SPATA17: variants seen among roughly 807,000 people sequenced by gnomAD.
SPATA17 encodes spermatogenesis associated 17, also known as spermatogenesis-associated protein 17.
A neutral mutation model predicts 62.2 loss-of-function variants in SPATA17; 53 were observed. The observed-to-expected ratio is 0.85, with a 90% CI of 0.68 to 1.07. SPATA17 has a LOEUF of 1.07. Ranked by LOEUF, SPATA17 falls within the 50% of genes least tolerant of loss-of-function variation. SPATA17 has a pLI of 0.00. For synonymous variants in SPATA17, 146 were observed against 146.8 expected (o/e 0.99, Z 0.04); for missense variants, 466 against 425.5 (o/e 1.10, Z -0.84).
intron 9 of SPATA17, among the ~76,000 whole-genome samples, chr1:217,823,896 T>G (rs1280666937): frequency 6.6e-6 from 1 of 152,068 alleles, no homozygotes; most frequent in Non-Finnish European, 1.5e-5. Context: ...GTTTTACTAT[T>G]TTATCTGATA....
chr1:217,857,135 T>C (rs902992148), intron 9 of SPATA17, among the ~76,000 whole-genome samples: 1 of 152,134 alleles, frequency 6.6e-6, no homozygotes, highest in Admixed American at 6.6e-5. Flanking sequence ...CTCTCTAATC[T>C]CAAAAGTTTT....
intron 6 of SPATA17, among the ~76,000 whole-genome samples, chr1:217,770,978 A>ATTTTTTTTTTTTTGTTTTTTTTTT (rs1673425620): frequency 2.0e-5 from 1 of 50,148 alleles, no homozygotes; most frequent in Non-Finnish European, 3.3e-5. Context: ...AACTCATTGC[A>ATTTTTTTTTTTTTGTTTTTTTTTT]TTTTTTTTTT....
intron 9 of SPATA17, among the ~76,000 whole-genome samples, chr1:217,813,848 A>T (rs1273653489): frequency 3.3e-5 from 5 of 152,044 alleles, no homozygotes; most frequent in African/African-American, 1.2e-4. Context: ...ACTCTAGTCT[A>T]CTATGCATTT....
chr1:217,845,442 G>C (rs1675501966), intron 9 of SPATA17, among the ~76,000 whole-genome samples: 1 of 152,026 alleles, frequency 6.6e-6, no homozygotes, highest in African/African-American at 2.4e-5. Context: ...ATAATTGATG[G>C]AAGAGATGGG....
chr1:217,657,765 A>T (rs1401002972), intron 3 of SPATA17, among the ~76,000 whole-genome samples: 1 of 152,186 alleles, frequency 6.6e-6, no homozygotes, highest in Non-Finnish European at 1.5e-5. Flanking sequence ...TGTAAAAGAG[A>T]TATGATATAG....
Position 217,774,431 on chromosome 1 carries a change from T to A in SPATA17, c.617T>A (p.Val206Asp). The A allele has an allele frequency of 6.2e-7, 1 of 1,614,128 alleles. No individual in the cohort carries two copies. Among genetic ancestry groups the A allele is most frequent in the Non-Finnish European group, 8.5e-7 (1 of 1,180,002 alleles). The change falls in exon 7 of 11, where the codon GTT (valine) becomes GAT (aspartate). Residue 206 changes from valine (V) to aspartate (D), a missense_variant. Val to Asp is a radical substitution (Grantham distance 152). Transcript: ENST00000366933. ...CCTTTAACACACCGAAGACCTAAAG[T>A]TAAGCAGAAGGACTCCACCAGCCTT... The part of the protein sequence containing the change: ...AKPLTHRRPK[V>D]KQKDSTSLTD...
chr1:217,720,939 G>A (rs1433305083), intron 5 of SPATA17, among the ~76,000 whole-genome samples: 1 of 152,154 alleles, frequency 6.6e-6, no homozygotes, highest in Non-Finnish European at 1.5e-5. Context: ...GATAGTCACT[G>A]AATCTGTGTA....
intron 5 of SPATA17, among the ~76,000 whole-genome samples, chr1:217,714,505 G>A (rs1333242049): frequency 1.2e-5 from 1 of 83,404 alleles, no homozygotes; most frequent in African/African-American, 5.8e-5. Flanking sequence ...TTTTTTTTGA[G>A]ACAGAGTCTT....
intron 6 of SPATA17, among the ~76,000 whole-genome samples, chr1:217,745,054 C>T (rs971361221): frequency 1.3e-5 from 2 of 152,040 alleles, no homozygotes; most frequent in Non-Finnish European, 2.9e-5. Context: ...CCTTTCTTGG[C>T]TTTCCTTTAG....
intron 8 of SPATA17, among the ~76,000 whole-genome samples, chr1:217,793,495 C>T (rs574487100): frequency 1.5e-3 from 232 of 152,184 alleles, no homozygotes; most frequent in African/African-American, 5.3e-3. Context: ...GCTGGGATTA[C>T]AGGCGTGCGC....
At chr1:217,734,123 T>G (rs964127354) in intron 5 of SPATA17, among the ~76,000 whole-genome samples, 1 of 152,228 alleles carries the variant, frequency 6.6e-6, no homozygotes, top group Non-Finnish European at 1.5e-5. Context: ...ACTCACAAAA[T>G]ATTTTTAAAT....
intron 9 of SPATA17, among the ~76,000 whole-genome samples, chr1:217,839,995 G>A (rs1435246247): frequency 7.1e-6 from 1 of 139,950 alleles, no homozygotes; most frequent in Non-Finnish European, 1.6e-5. Flanking sequence ...GTGTTTAAAG[G>A]TTTAATCTTG....
chr1:217,826,848 C>T (rs1194153782), intron 9 of SPATA17, among the ~76,000 whole-genome samples: 1 of 151,246 alleles, frequency 6.6e-6, no homozygotes, highest in African/African-American at 2.4e-5. Context: ...TTTAAATTCT[C>T]TGTACCTTAA....
chr1:217,829,576 C>T (rs948070739), intron 9 of SPATA17, among the ~76,000 whole-genome samples: 5 of 125,456 alleles, frequency 4.0e-5, no homozygotes, highest in African/African-American at 1.2e-4. Context: ...TGCAGTGAGC[C>T]GAGATTGCAC....
At chr1:217,839,523 A>T (rs2103005968) in intron 9 of SPATA17, among the ~76,000 whole-genome samples, 1 of 152,048 alleles carries the variant, frequency 6.6e-6, no homozygotes, top group Admixed American at 6.6e-5. Flanking sequence ...TAAAGCTTAG[A>T]CTGTTTTTTG....
At chr1:217,825,795 A>C (rs1442206898) in intron 9 of SPATA17, among the ~76,000 whole-genome samples, 2 of 152,090 alleles carry the variant, frequency 1.3e-5, no homozygotes, top group Non-Finnish European at 2.9e-5. Flanking sequence ...TCACATAAGT[A>C]TGAAATTAAT....
chr1:217,655,739 C>A (rs1670426769), intron 3 of SPATA17, among the ~76,000 whole-genome samples: 1 of 151,990 alleles, frequency 6.6e-6, no homozygotes, highest in Non-Finnish European at 1.5e-5. Context: ...GGGTTATGGT[C>A]AACTATTCTC....
chr1:217,829,827 T>C (rs1280659154), intron 9 of SPATA17, among the ~76,000 whole-genome samples: 1 of 151,712 alleles, frequency 6.6e-6, no homozygotes, highest in Admixed American at 6.6e-5. Flanking sequence ...ATAGCAGATA[T>C]ATAGGATGAA....
At chr1:217,865,710 T>A (rs564477889) in intron 10 of SPATA17, among the ~76,000 whole-genome samples, 2 of 152,288 alleles carry the variant, frequency 1.3e-5, no homozygotes, top group South Asian at 4.1e-4. Context: ...AAGATAAGGT[T>A]AAAATCATTG....
Sources: gnomAD v4.1 joint callset for allele counts (sites outside exome capture counted in the v4.1 genomes callset) on GRCh38, gnomAD v4.1.1 for gene constraint, MANE v1.5 for transcripts, NCBI Gene and HGNC (gene_info 2026-07-23, HGNC 2026-07-21) for gene names.